The following PRIM2 variants were observed in gnomAD, a reference collection of about 807,000 sequenced individuals.
PRIM2 encodes the protein DNA primase subunit 2, also known as DNA primase large subunit.
Under a neutral mutation model 67.3 loss-of-function variants are expected in PRIM2, and 39 were observed. The observed-to-expected ratio is 0.58, with a 90% CI of 0.45 to 0.76. The LOEUF (loss-of-function observed/expected upper bound fraction) is 0.76, where lower values mean the gene tolerates loss of function less well. Ranked by LOEUF, PRIM2 falls within the 30% of genes least tolerant of loss-of-function variation. PRIM2 has a pLI of 0.00. For synonymous variants in PRIM2, 143 were observed against 198.7 expected, an observed-to-expected ratio of 0.72 and a Z score of 2.36; for missense variants, 398 against 598.7, an observed-to-expected ratio of 0.66 and a Z score of 3.50.
chr6:57,356,429 T>C (rs563996415), intron 5 of PRIM2, among the ~76,000 whole-genome samples: 68 of 152,334 alleles, frequency 4.5e-4, no homozygotes, highest in African/African-American at 1.6e-3. Flanking sequence ...CAAATGATAA[T>C]GTATAGGGAG....
intron 5 of PRIM2, among the ~76,000 whole-genome samples, chr6:57,369,392 T>G (rs899221780): frequency 2.6e-5 from 4 of 152,242 alleles, no homozygotes; most frequent in African/African-American, 4.8e-5. Context: ...CCAAAACAGT[T>G]AAAACCCAGT....
At chr6:57,566,664 A>G (rs1315367628) in intron 10 of PRIM2, among the ~76,000 whole-genome samples, 42,512 of 151,994 alleles carry the variant, frequency 0.28, 6,313 homozygotes, top group East Asian at 0.44. Context: ...GTCAGTTGAC[A>G]TCGTAACAGG....
chr6:57,448,563 A>C (rs1180834678), intron 7 of PRIM2, among the ~76,000 whole-genome samples: 2 of 152,064 alleles, frequency 1.3e-5, no homozygotes, highest in Non-Finnish European at 1.5e-5. Flanking sequence ...GGAGTTAATA[A>C]GCAAATTCAT....
chr6:57,514,868 C>T (rs1774448907), intron 8 of PRIM2, among the ~76,000 whole-genome samples: 1 of 152,116 alleles, frequency 6.6e-6, no homozygotes, highest in Non-Finnish European at 1.5e-5. Context: ...CCCCTCCCCA[C>T]CCACACACAT....
At chr6:57,609,348 G>A (rs1776622709) in intron 12 of PRIM2, among the ~76,000 whole-genome samples, 1 of 152,086 alleles carries the variant, frequency 6.6e-6, no homozygotes, top group Admixed American at 6.5e-5. Flanking sequence ...TGTATCAACT[G>A]GTCTTACTCT....
intron 7 of PRIM2, among the ~76,000 whole-genome samples, chr6:57,442,958 A>T (rs2127385979): frequency 6.6e-6 from 1 of 152,246 alleles, no homozygotes; most frequent in Middle Eastern, 3.4e-3. Context: ...AGCCTCTGTA[A>T]CTACCTTCTA....
the PRIM2 span, among the ~76,000 whole-genome samples, chr6:57,298,148 T>C: frequency 6.6e-6 from 1 of 152,048 alleles, no homozygotes; most frequent in African/African-American, 2.4e-5. Context: ...GATCAAGAGG[T>C]CAGGAGTTCG....
intron 7 of PRIM2, among the ~76,000 whole-genome samples, chr6:57,480,533 A>G (rs1324017980): frequency 1.3e-5 from 2 of 152,190 alleles, no homozygotes; most frequent in African/African-American, 2.4e-5. Context: ...TCATGTAACC[A>G]TCACTACAAG....
the PRIM2 span, among the ~76,000 whole-genome samples, chr6:57,225,635 A>G: frequency 6.6e-6 from 1 of 152,210 alleles, no homozygotes; most frequent in Non-Finnish European, 1.5e-5. Flanking sequence ...TCCAGCAAAA[A>G]ATGTCCATTT....
At chr6:57,535,331 G>A (rs1462721203) in intron 9 of PRIM2, among the ~76,000 whole-genome samples, 102 of 152,226 alleles carry the variant, frequency 6.7e-4, no homozygotes, top group Middle Eastern at 6.8e-3. Flanking sequence ...GACTCATTTT[G>A]GTGTAGTAAT....
chr6:57,317,557 ACC>A (rs1331961665), upstream of PRIM2: 1 of 152,498 alleles, frequency 6.6e-6, no homozygotes, highest in African/African-American at 2.4e-5. Flanking sequence ...CTCAGGCCAA[ACC>A]CCCTCCTACC....
At chr6:57,291,210 T>C in the PRIM2 span, among the ~76,000 whole-genome samples, 1 of 152,144 alleles carries the variant, frequency 6.6e-6, no homozygotes, top group East Asian at 1.9e-4. Context: ...CATCAGAGAA[T>C]ACTATAAACA....
At chr6:57,471,027 T>C (rs1376322621) in intron 7 of PRIM2, among the ~76,000 whole-genome samples, 3 of 152,210 alleles carry the variant, frequency 2.0e-5, no homozygotes, top group Non-Finnish European at 2.9e-5. Flanking sequence ...ATTATAATTA[T>C]AGCAATAGCT....
the PRIM2 span, among the ~76,000 whole-genome samples, chr6:57,223,303 A>C: frequency 6.6e-6 from 1 of 152,182 alleles, no homozygotes; most frequent in South Asian, 2.1e-4. Context: ...AGTGACTGGA[A>C]GGAGTTAGCG....
At chr6:57,456,210 C>T (rs1772773421) in intron 7 of PRIM2, among the ~76,000 whole-genome samples, 1 of 152,124 alleles carries the variant, frequency 6.6e-6, no homozygotes, top group Non-Finnish European at 1.5e-5. Flanking sequence ...TCTCTGGCTG[C>T]CCTTAACATT....
intron 3 of PRIM2, among the ~76,000 whole-genome samples, chr6:57,320,859 C>T (rs561759742): frequency 6.6e-6 from 1 of 152,290 alleles, no homozygotes; most frequent in Admixed American, 6.5e-5. Context: ...CTACATATTT[C>T]CAGACATGCC....
intron 10 of PRIM2, among the ~76,000 whole-genome samples, chr6:57,555,408 T>TA (rs1243817515): frequency 2.0e-5 from 3 of 152,116 alleles, no homozygotes; most frequent in African/African-American, 7.2e-5. Context: ...GCCTCCCAAG[T>TA]ACCTGGGACT....
intron 5 of PRIM2, among the ~76,000 whole-genome samples, chr6:57,365,035 T>G (rs1220294775): frequency 6.6e-6 from 1 of 152,068 alleles, no homozygotes; most frequent in Non-Finnish European, 1.5e-5. Context: ...CCTCTCCCCT[T>G]AACATATTCT....
At chr6:57,415,936 T>C (rs1434278223) in intron 7 of PRIM2, among the ~76,000 whole-genome samples, 26 of 152,198 alleles carry the variant, frequency 1.7e-4, no homozygotes, top group African/African-American at 5.8e-4. Flanking sequence ...ACTTCCTCCA[T>C]TGAAGACTTG....
Sources: gnomAD v4.1 joint callset for allele counts (sites outside exome capture counted in the v4.1 genomes callset) on GRCh38, gnomAD v4.1.1 for gene constraint, MANE v1.5 for transcripts, NCBI Gene and HGNC (gene_info 2026-07-23, HGNC 2026-07-21) for gene names.